The following SLC39A11 variants were observed in gnomAD, a reference collection of about 807,000 sequenced individuals.
SLC39A11 encodes the protein zinc transporter ZIP11.
A neutral mutation model predicts 36.1 loss-of-function variants in SLC39A11; 33 were observed. That is an observed-to-expected ratio of 0.91 (90% CI 0.69 to 1.22). SLC39A11 has a LOEUF of 1.22. SLC39A11 is among the 50% of genes most tolerant of loss of function. The probability of loss-of-function intolerance (pLI) is 0.00; values close to 1 mark genes in which losing one functional copy is unlikely to be tolerated. For missense variants in SLC39A11, 432 were observed against 430.3 expected (o/e 1.00, Z -0.03); for synonymous variants, 166 against 170.3 (o/e 0.97, Z 0.20).
chr17:72,948,189 G>A (rs1434277139), intron 4 of SLC39A11, among the ~76,000 whole-genome samples: 3 of 151,634 alleles, frequency 2.0e-5, no homozygotes, highest in Non-Finnish European at 4.4e-5. Flanking sequence ...CACTGCAAGC[G>A]TCATCGCCGC....
intron 6 of SLC39A11, among the ~76,000 whole-genome samples, chr17:72,821,305 C>T (rs1215355766): frequency 6.7e-6 from 1 of 149,962 alleles, no homozygotes; most frequent in Non-Finnish European, 1.5e-5. Flanking sequence ...AAATTGGAGA[C>T]CTGCTTGGCC....
chr17:72,799,775 C>T (rs988002654), intron 6 of SLC39A11, among the ~76,000 whole-genome samples: 2 of 151,806 alleles, frequency 1.3e-5, no homozygotes, highest in Admixed American at 6.6e-5. Context: ...ACAATATGTG[C>T]ACCGCTGAAC....
rs35718904 is a variant in SLC39A11, at chr17:72,833,436, C to T, written c.601+16198G>A. On this transcript the variant is annotated intron_variant, in intron 6 of 9. Coordinates refer to ENST00000255559, the MANE Select transcript of SLC39A11 (RefSeq NM_139177.4). ...GCCAAAGAATAAAAAAAGGTCTACACGATCAATGTCTGTCATTCCCACAGG... is the reference window on the plus strand; with the variant it reads ...GCCAAAGAATAAAAAAAGGTCTACATGATCAATGTCTGTCATTCCCACAGG... 4.6e-5 allele frequency among the ~76,000 whole-genome samples: 7 copies of T among 152,322 alleles called. No homozygotes were observed. In the East Asian group the frequency reaches 1.2e-3, roughly 25 times the overall value.
rs754053495 is a variant in SLC39A11 at position 72,736,666 on chromosome 17, T to G, written c.655A>C (p.Thr219Pro). Residue 219 changes from threonine (T) to proline (P), a missense_variant, in exon 7 of 10, where the codon ACC becomes CCC. Thr to Pro is a conservative substitution (Grantham distance 38). Transcript: ENST00000255559. ...CTGGCTTACCTGGCACTCTCAAAGG[T>G]AGCAGATGCCGTCTTTTCTATAGCC... ...FGAIEKTASA[T>P]FESARNLAIG... 1.9e-6 allele frequency: 3 copies of G among 1,613,882 alleles called. No homozygotes were observed. The African/African-American group carries it at 4.0e-5, about 22-fold the overall frequency.
intron 5 of SLC39A11, among the ~76,000 whole-genome samples, chr17:72,869,161 G>A (rs969749226): frequency 5.9e-5 from 9 of 152,078 alleles, no homozygotes; most frequent in Admixed American, 1.3e-4. Context: ...CCAAATAAAC[G>A]AGCCCCCCAT....
intron 1 of SLC39A11, among the ~76,000 whole-genome samples, chr17:73,091,634 T>C (rs1326165351): frequency 6.6e-6 from 1 of 151,776 alleles, no homozygotes. Context: ...GAACAAGAAG[T>C]TTTCTCTAAC....
At chr17:72,986,623 T>G (rs532780749) in intron 4 of SLC39A11, among the ~76,000 whole-genome samples, 1 of 152,256 alleles carries the variant, frequency 6.6e-6, no homozygotes, top group Admixed American at 6.5e-5. Context: ...ACACATACAG[T>G]CTTGGGCCCC....
intron 6 of SLC39A11, among the ~76,000 whole-genome samples, chr17:72,741,095 C>T (rs913506194): frequency 5.3e-5 from 8 of 152,240 alleles, no homozygotes; most frequent in Admixed American, 1.3e-4. Context: ...TTTAAGCAGA[C>T]GCCCGCAACA....
At chr17:72,696,812 T>C (rs1003380656) in intron 7 of SLC39A11, among the ~76,000 whole-genome samples, 1 of 152,238 alleles carries the variant, frequency 6.6e-6, no homozygotes, top group Non-Finnish European at 1.5e-5. Flanking sequence ...TGTTACTGCC[T>C]ACCATTTTTG....
At chr17:73,051,171 G>A (rs1362260340) in intron 3 of SLC39A11, among the ~76,000 whole-genome samples, 5 of 152,182 alleles carry the variant, frequency 3.3e-5, no homozygotes, top group Non-Finnish European at 7.4e-5. Context: ...AGAAGCCCTC[G>A]GTGTTCCTTG....
At chr17:72,757,846 A>T (rs2075418030) in intron 6 of SLC39A11, among the ~76,000 whole-genome samples, 2 of 152,004 alleles carry the variant, frequency 1.3e-5, no homozygotes, top group Non-Finnish European at 2.9e-5. Context: ...GATCTAGACC[A>T]GGCCTGGGGA....
At chr17:72,925,216 C>T (rs376005887) in intron 5 of SLC39A11, among the ~76,000 whole-genome samples, 4 of 152,232 alleles carry the variant, frequency 2.6e-5, no homozygotes, top group Admixed American at 2.0e-4. Context: ...GACCAGGTCA[C>T]TTATTTTGGT....
At chr17:72,670,665 A>G (rs913420512) in intron 7 of SLC39A11, among the ~76,000 whole-genome samples, 1 of 152,142 alleles carries the variant, frequency 6.6e-6, no homozygotes, top group Non-Finnish European at 1.5e-5. Flanking sequence ...TGTTGCTCCA[A>G]TTGTTCCAGC....
intron 5 of SLC39A11, among the ~76,000 whole-genome samples, chr17:72,878,373 T>A (rs2081028672): frequency 6.6e-6 from 1 of 152,176 alleles, no homozygotes; most frequent in Admixed American, 6.5e-5. Context: ...TAGGGTATTG[T>A]CTTCATGTAT....
intron 7 of SLC39A11, among the ~76,000 whole-genome samples, chr17:72,691,321 T>A (rs2072016627): frequency 2.0e-5 from 3 of 152,158 alleles, no homozygotes; most frequent in Non-Finnish European, 2.9e-5. Context: ...TCTCTGCACC[T>A]GTTTCTTTCC....
At chr17:72,716,374 G>A (rs8068946) in intron 7 of SLC39A11, among the ~76,000 whole-genome samples, 72,979 of 151,572 alleles carry the variant, frequency 0.48, 22,027 homozygotes, top group African/African-American at 0.87. Context: ...TTCTGGCACA[G>A]TCTGTCTCTA....
chr17:72,729,910 G>A (rs1470215654), intron 7 of SLC39A11, among the ~76,000 whole-genome samples: 3 of 152,074 alleles, frequency 2.0e-5, no homozygotes, highest in South Asian at 4.2e-4. Flanking sequence ...CTTAACTGTC[G>A]ATTAATAAAT....
intron 4 of SLC39A11, among the ~76,000 whole-genome samples, chr17:72,950,005 G>T (rs1470173392): frequency 6.8e-6 from 1 of 147,148 alleles, no homozygotes; most frequent in African/African-American, 2.5e-5. Context: ...ACCCCTTCTT[G>T]TTTTTTCACT....
At chr17:73,046,707 C>T (rs1286701651) in intron 3 of SLC39A11, among the ~76,000 whole-genome samples, 2 of 152,022 alleles carry the variant, frequency 1.3e-5, no homozygotes, top group African/African-American at 4.8e-5. Context: ...TTCGGGAGGT[C>T]GAAGTGGGCA....
Sources: allele counts gnomAD v4.1 joint callset (sites outside exome capture counted in the v4.1 genomes callset), GRCh38; gene constraint gnomAD v4.1.1; transcripts MANE v1.5; gene names NCBI Gene and HGNC (gene_info 2026-07-23, HGNC 2026-07-21).